Variants in RPTOR observed in about 807,000 individuals in gnomAD.
RPTOR encodes regulatory associated protein of MTOR complex 1.
A neutral mutation model predicts 169.9 loss-of-function variants in RPTOR; 21 were observed. The ratio of observed to expected loss-of-function variants is 0.12; its 90% CI spans 0.09 to 0.18. RPTOR has a LOEUF of 0.18. RPTOR is among the 10% of genes least tolerant of loss of function. The pLI is 1.00. For missense variants in RPTOR, 1,133 were observed against 1,855.9 expected (o/e 0.61, Z 7.16); for synonymous variants, 732 against 753.2 (o/e 0.97, Z 0.46).
intron 9 of RPTOR, among the ~76,000 whole-genome samples, chr17:80,830,708 C>T (rs2067494433): frequency 6.6e-6 from 1 of 151,480 alleles, no homozygotes; most frequent in South Asian, 2.1e-4. Context: ...CACTGCTCCT[C>T]AGGAATGGCA....
At chr17:80,606,135 C>T (rs1332395774) in intron 1 of RPTOR, among the ~76,000 whole-genome samples, 1 of 152,098 alleles carries the variant, frequency 6.6e-6, no homozygotes, top group Admixed American at 6.5e-5. Context: ...CCTCAGCCTC[C>T]CAAGTAGCTG....
intron 6 of RPTOR, among the ~76,000 whole-genome samples, chr17:80,760,458 C>T (rs925494187): frequency 4.0e-5 from 6 of 151,842 alleles, no homozygotes; most frequent in Admixed American, 1.3e-4. Context: ...CCCACCACCA[C>T]GCCTGGCTAA....
intron 24 of RPTOR, among the ~76,000 whole-genome samples, chr17:80,926,817 G>A (rs368377211): frequency 2.6e-5 from 4 of 152,330 alleles, no homozygotes; most frequent in Admixed American, 2.6e-4. Flanking sequence ...CGCCACCCAC[G>A]ACTGCACTGA....
chr17:80,918,415 GGGGGTCATAGCCACGAGCACCCTCGCC>G (rs2068700631), intron 21 of RPTOR, among the ~76,000 whole-genome samples: 2 of 127,098 alleles, frequency 1.6e-5, no homozygotes, highest in African/African-American at 6.0e-5. Flanking sequence ...GCACCCTCGC[GGGGGTCATAGCCACGAGCACCCTCGCC>G]GGAGTCATAG....
rs553180076 is a variant in RPTOR, at chr17:80,598,337, TATTTAATAGA to T, written c.163-27352_163-27343del. On this transcript the variant is annotated intron_variant, in intron 1 of 33. Coordinates refer to ENST00000306801, the MANE Select transcript of RPTOR (RefSeq NM_020761.3). ...AAAGAAATTAATGGCTCTGACAACT[TATTTAATAGA>T]AGTGGTGGGGTGTGGGGCAGCCCAA... Among the ~76,000 whole-genome samples the T allele has an allele frequency of 1.8e-4, 27 of 152,230 alleles. No individual in the cohort carries two copies. The East Asian group carries it at 4.2e-3, about 24-fold the overall frequency.
intron 7 of RPTOR, among the ~76,000 whole-genome samples, chr17:80,792,917 G>A (rs1214461394): frequency 2.6e-5 from 4 of 151,598 alleles, no homozygotes; most frequent in East Asian, 1.9e-4. Context: ...CACACACACC[G>A]GATGCGTATC....
intron 20 of RPTOR, among the ~76,000 whole-genome samples, chr17:80,896,379 G>GGCCGCGCGGACACCCCGCA (rs1413818828): frequency 1.0e-5 from 1 of 99,528 alleles, no homozygotes; most frequent in Non-Finnish European, 2.2e-5. Context: ...GACACCCCAC[G>GGCCGCGCGGACACCCCGCA]CGGCCTCGCT....
intron 1 of RPTOR, among the ~76,000 whole-genome samples, chr17:80,587,525 G>T (rs779386162): frequency 2.6e-5 from 4 of 152,186 alleles, no homozygotes; most frequent in Non-Finnish European, 5.9e-5. Flanking sequence ...GTGGAATTGC[G>T]TAGTAATCGG....
chr17:80,871,979 C>T (rs112007769), intron 13 of RPTOR, among the ~76,000 whole-genome samples: 1 of 152,068 alleles, frequency 6.6e-6, no homozygotes, highest in Admixed American at 6.5e-5. Context: ...GGGTGAGTCC[C>T]AGGAACGGCA....
At chr17:80,821,726 C>G (rs781361574) in intron 7 of RPTOR, among the ~76,000 whole-genome samples, 1 of 152,224 alleles carries the variant, frequency 6.6e-6, no homozygotes, top group Non-Finnish European at 1.5e-5. Context: ...ACATCCCTGT[C>G]GCAGGTATCA....
At chr17:80,930,913 T>C (rs1299843379) in intron 24 of RPTOR, among the ~76,000 whole-genome samples, 1 of 152,210 alleles carries the variant, frequency 6.6e-6, no homozygotes. Flanking sequence ...GTCTGGTAAA[T>C]TACTGCTGAG....
rs765724486 is a variant in RPTOR at position 80,893,873 on chromosome 17, C to T, written c.2401+8C>T. 3.2e-5 allele frequency: 49 copies of T among 1,513,532 alleles called. No individual in the cohort carries two copies. The highest frequency in any genetic ancestry group is 2.6e-4 in the South Asian group (20 of 76,490). The allele number at this position is 1,513,532 out of a possible 1,614,324, so 93.8% of individuals were successfully genotyped here. A position where few individuals can be genotyped will look rare whatever the true frequency, so the allele number is the denominator to read the frequency against. On this transcript the variant is annotated splice_region_variant and intron_variant, in intron 20 of 33. Coordinates refer to ENST00000306801, the MANE Select transcript of RPTOR (RefSeq NM_020761.3). Reference sequence around the variant, plus strand: ...CCCTCAACTCCCTCATCGGTGAGTCCGCCTGCCCCTTTCTGCTTCCGAGGG... The same window carrying T: ...CCCTCAACTCCCTCATCGGTGAGTCTGCCTGCCCCTTTCTGCTTCCGAGGG...
intron 3 of RPTOR, among the ~76,000 whole-genome samples, chr17:80,692,100 A>T (rs2065997303): frequency 6.6e-6 from 1 of 152,206 alleles, no homozygotes; most frequent in Non-Finnish European, 1.5e-5. Flanking sequence ...ATGTCGAGTG[A>T]CATTACCCTG....
chr17:80,897,342 TG>T (rs2068419605), intron 20 of RPTOR, among the ~76,000 whole-genome samples: 2 of 152,244 alleles, frequency 1.3e-5, no homozygotes, highest in African/African-American at 4.8e-5. Flanking sequence ...CGACATTTGC[TG>T]TAGATTTTTT....
intron 3 of RPTOR, among the ~76,000 whole-genome samples, chr17:80,662,658 A>G (rs1397847275): frequency 6.6e-6 from 1 of 152,144 alleles, no homozygotes; most frequent in East Asian, 1.9e-4. Flanking sequence ...CAATTGGGGA[A>G]GTCGCAAATT....
rs373174725 is a variant in RPTOR at position 80,887,832 on chromosome 17, C to T, written c.1983+2684C>T. 1.2e-4 allele frequency among the ~76,000 whole-genome samples: 18 copies of T among 152,280 alleles called. No individual in the cohort carries two copies. In the East Asian group the frequency reaches 2.3e-3, roughly 20 times the overall value. On this transcript the variant is annotated intron_variant, in intron 17 of 33. Transcript: ENST00000306801. ...TGACTTGTTTAATGAGCTTACTTGA[C>T]AAAATTTAAAAGTCAGCAAATTCAG...
intron 5 of RPTOR, among the ~76,000 whole-genome samples, chr17:80,739,575 G>A (rs1054309785): frequency 2.6e-5 from 4 of 152,108 alleles, no homozygotes; most frequent in African/African-American, 9.7e-5. Context: ...CACATCCTGG[G>A]TCATAAAATA....
rs1360692663 is a variant in RPTOR, at chr17:80,663,724, C to T, written c.348+19914C>T. 2.0e-5 allele frequency among the ~76,000 whole-genome samples: 3 copies of T among 152,050 alleles called. No homozygotes were observed. In the East Asian group the frequency reaches 5.8e-4, roughly 29 times the overall value. Reference sequence around the variant, plus strand: ...ATGGAAGGTGACATAGCCTTTGAAACCCCCTCTGAGCCCCTCCCCAGTCAC... The same window carrying T: ...ATGGAAGGTGACATAGCCTTTGAAATCCCCTCTGAGCCCCTCCCCAGTCAC... On this transcript the variant is annotated intron_variant, in intron 3 of 33. Transcript: ENST00000306801.
chr17:80,855,366 G>A (rs2067840717), intron 11 of RPTOR, 98 bp from the exon 12 acceptor site: 1 of 852,756 alleles, frequency 1.2e-6, no homozygotes, highest in African/African-American at 1.6e-5. Flanking sequence ...TCTGAACTGT[G>A]GTCAGACCGC....
Sources: gnomAD v4.1 joint callset for allele counts (sites outside exome capture counted in the v4.1 genomes callset) on GRCh38, gnomAD v4.1.1 for gene constraint, MANE v1.5 for transcripts, NCBI Gene and HGNC (gene_info 2026-07-23, HGNC 2026-07-21) for gene names.